The following SEC24A variants were observed in gnomAD, a reference collection of about 807,000 sequenced individuals.
SEC24A encodes the protein SEC24 homolog A, COPII component, also known as protein transport protein Sec24A.
SEC24A carries 93 observed loss-of-function variants against 129.4 expected under a neutral mutation model. That is an observed-to-expected ratio of 0.72 (90% CI 0.61 to 0.85). The LOEUF is 0.85. Among genes scored for constraint, SEC24A ranks in the 40% least tolerant of loss-of-function variants. The probability of loss-of-function intolerance (pLI) is 0.00; values close to 1 mark genes in which losing one functional copy is unlikely to be tolerated. For missense variants in SEC24A, 1,264 were observed against 1,307.4 expected (o/e 0.97, Z 0.51); for synonymous variants, 460 against 467.3 (o/e 0.98, Z 0.20).
intron 1 of SEC24A, among the ~76,000 whole-genome samples, chr5:134,656,974 C>T (rs114521548): frequency 0.049 from 7,337 of 151,258 alleles, 225 homozygotes; most frequent in Middle Eastern, 0.11. Context: ...CCCTTGAGCC[C>T]AGGAGTTCGA....
intron 2 of SEC24A, among the ~76,000 whole-genome samples, chr5:134,662,045 G>C (rs1173088021): frequency 1.3e-5 from 2 of 151,812 alleles, no homozygotes; most frequent in Admixed American, 1.3e-4. Context: ...TGGCCAGGCT[G>C]GTCTTGAACT....
intron 19 of SEC24A, among the ~76,000 whole-genome samples, chr5:134,717,582 G>A (rs530583370): frequency 6.6e-6 from 1 of 152,194 alleles, no homozygotes; most frequent in South Asian, 2.1e-4. Context: ...CAGTAGCTTA[G>A]TTAGATAAGT....
chr5:134,661,599 T>C lies in SEC24A; in HGVS notation c.565+13T>C, dbSNP rs753705686. Reference sequence around the variant, plus strand: ...TTCATAAAGTCAGGTAGTATTCTTATAGAAGTGCTTAAAATGTAGAAATGT... The same window carrying C: ...TTCATAAAGTCAGGTAGTATTCTTACAGAAGTGCTTAAAATGTAGAAATGT... On this transcript the variant is annotated intron_variant, in intron 2 of 22. Transcript: ENST00000398844. 34 of 1,568,784 alleles carry C rather than the reference T, an allele frequency of 2.2e-5. No individual in the cohort carries two copies. The highest frequency in any genetic ancestry group is 2.7e-5 in the Non-Finnish European group (31 of 1,140,876).
At chr5:134,666,551 AG>A (rs1439308259) in intron 2 of SEC24A, among the ~76,000 whole-genome samples, 3 of 151,954 alleles carry the variant, frequency 2.0e-5, no homozygotes, top group African/African-American at 7.3e-5. Context: ...GAAAGAAAAC[AG>A]GAAAGCAGGA....
intron 2 of SEC24A, among the ~76,000 whole-genome samples, chr5:134,662,177 C>T (rs765331886): frequency 8.0e-5 from 12 of 150,694 alleles, no homozygotes; most frequent in Non-Finnish European, 1.2e-4. Flanking sequence ...TTTTTTGAGA[C>T]GGAGTCTCTC....
At chr5:134,685,534 T>C (rs1751424367) in intron 9 of SEC24A, among the ~76,000 whole-genome samples, 1 of 152,156 alleles carries the variant, frequency 6.6e-6, no homozygotes, top group African/African-American at 2.4e-5. Flanking sequence ...GTAAGGGAAT[T>C]GAGCATCCTT....
intron 1 of SEC24A, among the ~76,000 whole-genome samples, chr5:134,658,628 C>G (rs910547479): frequency 6.6e-5 from 10 of 152,058 alleles, no homozygotes; most frequent in African/African-American, 2.4e-4. Flanking sequence ...AGGCTGGTCT[C>G]CTACTCCTGA....
chr5:134,726,329 TCA>T lies in SEC24A; in HGVS notation c.*1238_*1239del, dbSNP rs1427725751. The T allele has an allele frequency of 6.6e-6, 1 of 152,602 alleles. No individual in the cohort carries two copies. The highest frequency in any genetic ancestry group is 2.4e-5 in the African/African-American group (1 of 41,468). 9.5% of individuals were successfully genotyped at this position (152,602 alleles called of 1,614,324 possible). On this transcript the variant is annotated 3_prime_UTR_variant, in exon 23 of 23. Transcript: ENST00000398844. ...TATCTTTAAGAGTTTGGCTCAGTTT[TCA>T]CAGATTCATTTTGTCTTAAGAATTT...
chr5:134,703,727 A>T (rs1336260685), intron 15 of SEC24A, 32 bp from the exon 16 acceptor site: 13 of 1,472,828 alleles, frequency 8.8e-6, no homozygotes, highest in African/African-American at 1.4e-5. Flanking sequence ...GTAGGTATAT[A>T]AAAATAATTT....
At chr5:134,655,282 C>A (rs553258741) in intron 1 of SEC24A, among the ~76,000 whole-genome samples, 1 of 152,228 alleles carries the variant, frequency 6.6e-6, no homozygotes, top group East Asian at 1.9e-4. Flanking sequence ...GGGTGGGAAG[C>A]ACTCATCTGC....
intron 22 of SEC24A, among the ~76,000 whole-genome samples, chr5:134,724,227 T>C (rs1279905624): frequency 6.6e-6 from 1 of 152,214 alleles, no homozygotes; most frequent in African/African-American, 2.4e-5. Flanking sequence ...TCGTGTGGTG[T>C]TTGTCTCTCT....
At chr5:134,688,762 C>T (rs1047551503) in intron 11 of SEC24A, among the ~76,000 whole-genome samples, 3 of 152,142 alleles carry the variant, frequency 2.0e-5, no homozygotes, top group Non-Finnish European at 2.9e-5. Context: ...TTACTGCAGC[C>T]TATGCCTCCC....
chr5:134,713,316 A>G (rs1279066680), intron 18 of SEC24A, among the ~76,000 whole-genome samples: 1 of 152,042 alleles, frequency 6.6e-6, no homozygotes, highest in Admixed American at 6.6e-5. Context: ...TAAAGCCTAC[A>G]TTCTCTGATC....
At chr5:134,661,643 G>A in intron 2 of SEC24A, 57 bp downstream of exon 2, 1 of 1,305,294 alleles carries the variant, frequency 7.7e-7, no homozygotes, top group Admixed American at 2.0e-5. Context: ...TGCTTATTTA[G>A]ATGTTTGAAA....
At position 134,723,549 on chromosome 5, in the gene SEC24A, G is replaced by T. The variant is rs1752680075; in HGVS notation, c.3064-18G>T. 2 of 1,436,616 alleles carry T rather than the reference G, an allele frequency of 1.4e-6. No homozygotes were observed. Among genetic ancestry groups the T allele is most frequent in the African/African-American group, 2.8e-5 (2 of 71,396 alleles). 89.0% of individuals were successfully genotyped at this position (1,436,616 alleles called of 1,614,324 possible). ...TATGTAATTAAAGTAATTGGATATTGTTGGTTTTGGTTAACAGACAGACCT... is the reference window on the plus strand; with the variant it reads ...TATGTAATTAAAGTAATTGGATATTTTTGGTTTTGGTTAACAGACAGACCT... On this transcript the variant is annotated intron_variant, in intron 21 of 22. Transcript: ENST00000398844.
At position 134,674,760 on chromosome 5, in the gene SEC24A, A is replaced by G. The variant is rs767622633; in HGVS notation, c.963A>G (p.Pro321=). Residue 321 remains proline (P), a synonymous_variant, in exon 5 of 23, where the codon CCA becomes CCG. Coordinates refer to ENST00000398844, the MANE Select transcript of SEC24A (RefSeq NM_021982.3). The part of the protein sequence containing the change: ...PPSSLNYPSG[P]QAFTQTPLGA... The stretch of plus-strand genomic sequence containing the variant: ...CTTCCTTGAATTACCCAAGTGGGCC[A>G]CAAGCCTTTACTCAGGTAAACTTTT... 3.0e-5 allele frequency: 49 copies of G among 1,613,312 alleles called. 1 individual carries two copies. The highest frequency in any genetic ancestry group is 1.5e-5 in the Non-Finnish European group (18 of 1,179,738).
chr5:134,662,266 T>C (rs1486180573), intron 2 of SEC24A, among the ~76,000 whole-genome samples: 2 of 152,108 alleles, frequency 1.3e-5, no homozygotes, highest in Non-Finnish European at 2.9e-5. Flanking sequence ...GCCATTCTCC[T>C]GCCTCAGCCT....
intron 18 of SEC24A, among the ~76,000 whole-genome samples, chr5:134,714,518 G>A (rs1752422200): frequency 6.6e-6 from 1 of 152,200 alleles, no homozygotes; most frequent in African/African-American, 2.4e-5. Flanking sequence ...GATGATATGA[G>A]GTGGAACAGT....
At chr5:134,699,543 T>C (rs1169786123) in intron 15 of SEC24A, among the ~76,000 whole-genome samples, 2 of 151,102 alleles carry the variant, frequency 1.3e-5, no homozygotes, top group African/African-American at 4.9e-5. Flanking sequence ...TGGTGATCCG[T>C]CCGCCTCGGC....
Sources: gnomAD v4.1 joint callset for allele counts (sites outside exome capture counted in the v4.1 genomes callset) on GRCh38, gnomAD v4.1.1 for gene constraint, MANE v1.5 for transcripts, NCBI Gene and HGNC (gene_info 2026-07-23, HGNC 2026-07-21) for gene names.